Variants in NUDT17 observed in about 807,000 individuals in gnomAD.
The protein encoded by NUDT17 is nudix hydrolase 17.
NUDT17 carries 38 observed loss-of-function variants against 38.6 expected under a neutral mutation model. The ratio of observed to expected loss-of-function variants is 0.98; its 90% CI spans 0.76 to 1.29. The LOEUF (loss-of-function observed/expected upper bound fraction) is 1.29, where lower values mean the gene tolerates loss of function less well. Ranked by LOEUF, NUDT17 falls within the 50% of genes most tolerant of loss-of-function variation. NUDT17 has a pLI of 0.00. For missense variants in NUDT17, 462 were observed against 415.2 expected (o/e 1.11, Z -0.98); for synonymous variants, 192 against 167.8 (o/e 1.14, Z -1.11).
Position 145,846,155 on chromosome 1 carries a change from C to T in NUDT17, c.335C>T (p.Ala112Val). The T allele has an allele frequency of 6.3e-7, 1 of 1,596,936 alleles. No homozygotes were observed. The highest frequency in any genetic ancestry group is 8.5e-7 in the Non-Finnish European group (1 of 1,172,028). The part of the protein sequence containing the change: ...SDKTVLLTRR[A>V]RTLSVSPNLW... The stretch of plus-strand genomic sequence containing the variant: ...AAGACTGTCTTGCTAACCCGAAGGG[C>T]ACGCACCCTGAGCGTTTCCCCCAAC... Residue 112 changes from alanine (A) to valine (V), a missense_variant, in exon 2 of 8, where the codon GCA becomes GTA. Physicochemically the swap from Ala to Val is moderately conservative, Grantham distance 64. Coordinates refer to ENST00000334513, the MANE Select transcript of NUDT17 (RefSeq NM_001012758.3).
At position 145,848,716 on chromosome 1, in the gene NUDT17, C is replaced by A; in HGVS notation, c.*237C>A. On this transcript the variant is annotated 3_prime_UTR_variant, in exon 8 of 8. Transcript: ENST00000334513. ...CTACAGGGCCATGAGCCTCTAGAAGCTTAGGGGGGAATAAGAAACACTGTG... is the reference window on the plus strand; with the variant it reads ...CTACAGGGCCATGAGCCTCTAGAAGATTAGGGGGGAATAAGAAACACTGTG... 1 of 473,396 alleles carries A rather than the reference C, an allele frequency of 2.1e-6. No individual in the cohort carries two copies. Among genetic ancestry groups the A allele is most frequent in the Non-Finnish European group, 3.7e-6 (1 of 269,164 alleles). The allele number at this position is 473,396 out of a possible 1,614,324, so 29.3% of individuals were successfully genotyped here.
At position 145,846,514 on chromosome 1, in the gene NUDT17, G is replaced by T. The variant is rs190159953; in HGVS notation, c.402+56G>T. 4.1e-4 allele frequency: 657 copies of T among 1,607,156 alleles called. 3 individuals are homozygous for T. In the African/African-American group the frequency reaches 7.6e-3, roughly 19 times the overall value. On this transcript the variant is annotated intron_variant, in intron 3 of 7. Coordinates refer to ENST00000334513, the MANE Select transcript of NUDT17 (RefSeq NM_001012758.3). Reference sequence around the variant, plus strand: ...AGAGACCCATGCCTGGGACCATCTTGGGTGTGGGCTGAGGGAGAGGCAAGC... The same window carrying T: ...AGAGACCCATGCCTGGGACCATCTTTGGTGTGGGCTGAGGGAGAGGCAAGC...
At chr1:145,847,865 G>C in intron 6 of NUDT17, 146 bp downstream of exon 6, 2 of 887,554 alleles carry the variant, frequency 2.3e-6, no homozygotes, top group South Asian at 3.4e-5. Flanking sequence ...GAAGGTACAT[G>C]AAATCTAAGA....
chr1:145,846,715 T>C (rs1017215169), intron 4 of NUDT17, 25 bp downstream of exon 4: 46 of 1,499,286 alleles, frequency 3.1e-5, no homozygotes, highest in Non-Finnish European at 4.3e-5. Context: ...TGGGAGAAGC[T>C]CCTCCATAGA....
At position 145,848,225 on chromosome 1, in the gene NUDT17, C is replaced by A. The variant is rs1262631368; in HGVS notation, c.845C>A (p.Thr282Asn). The change falls in exon 7 of 8, where the codon ACC (threonine) becomes AAC (asparagine). Residue 282 changes from threonine (T) to asparagine (N), a missense_variant. Transcript: ENST00000334513. ...GACAAAGAGAGAGTCAGCACTGGAA[C>A]CAAGTTTGCCCTCAAGCTCTGGCTG... ...AEDKERVSTG[T>N]KFALKLWLQH... The A allele has an allele frequency of 2.5e-6, 4 of 1,614,170 alleles. No individual in the cohort carries two copies. The highest frequency in any genetic ancestry group is 3.4e-6 in the Non-Finnish European group (4 of 1,180,036).
intron 3 of NUDT17, 47 bp from the exon 4 acceptor site, chr1:145,846,551 G>C (rs1366534771): frequency 2.5e-6 from 4 of 1,604,220 alleles, no homozygotes; most frequent in Admixed American, 3.3e-5. Context: ...AAAGGACTTG[G>C]AAGAGTCAGG....
chr1:145,847,373 A>G (rs1652753016), intron 5 of NUDT17, 25 bp downstream of exon 5: 2 of 1,573,678 alleles, frequency 1.3e-6, no homozygotes, highest in African/African-American at 2.7e-5. Context: ...GAGGGAAGGA[A>G]ACAGGGCTCA....
In NUDT17 at chr1:145,846,683, T is replaced by C. The variant is rs1553732584; in HGVS notation, c.488T>C (p.Leu163Ser). The stretch of plus-strand genomic sequence containing the variant: ...CAGTTCTCTTGGGTCCCTCTGGGTT[T>C]ATGGGAGGTGAGACAAGTAGCTGGG... ...QGQFSWVPLG[L>S]WESAYPPRLS... Residue 163 changes from leucine to serine, a missense_variant, in exon 4 of 8, where the codon TTA becomes TCA. Leu to Ser is a moderately radical substitution (Grantham distance 145, BLOSUM62 -2). Transcript: ENST00000334513. 6.2e-7 allele frequency: 1 copy of C among 1,610,500 alleles called. No individual in the cohort carries two copies. Among genetic ancestry groups the C allele is most frequent in the Non-Finnish European group, 8.5e-7 (1 of 1,176,784 alleles).
In NUDT17 at chr1:145,847,719, TGTAA is replaced by T. The variant is rs782154996; in HGVS notation, c.731+6_731+9del. On this transcript the variant is annotated splice_donor_variant and splice_donor_region_variant and intron_variant, in intron 6 of 7. Coordinates refer to ENST00000334513, the MANE Select transcript of NUDT17 (RefSeq NM_001012758.3). LOFTEE classifies it high-confidence loss of function. ...CCCCAGGACCTACCACCCTCTGTCC[TGTAA>T]GTAAGAGCTTCTCCCTCAGCCTCTA... is the stretch of plus-strand genomic sequence containing the variant. 2.9e-5 allele frequency: 46 copies of T among 1,613,958 alleles called. No individual in the cohort carries two copies. The highest frequency in any genetic ancestry group is 9.3e-5 in the African/African-American group (7 of 74,916).
Position 145,848,564 on chromosome 1 carries a change from C to CTT in NUDT17, c.*87_*88dup. ...ATTATGGGTGAGAGCTTCACTACAA[C>CTT]TTTAGAAATAAAAAGTAAAATTACA... is the stretch of plus-strand genomic sequence containing the variant. On this transcript the variant is annotated 3_prime_UTR_variant, in exon 8 of 8. Transcript: ENST00000334513. 1 of 965,138 alleles carries CTT rather than the reference C, an allele frequency of 1.0e-6. No homozygotes were observed. Among genetic ancestry groups the CTT allele is most frequent in the South Asian group, 1.5e-5 (1 of 66,018 alleles). The allele number at this position is 965,138 out of a possible 1,614,324, so 59.8% of individuals were successfully genotyped here. A position where few individuals can be genotyped will look rare whatever the true frequency, so the allele number is the denominator to read the frequency against.
In NUDT17 at chr1:145,845,944, T is replaced by C. The variant is rs782265749; in HGVS notation, c.193-69T>C. The C allele has an allele frequency of 7.8e-6, 12 of 1,537,416 alleles. No homozygotes were observed. The South Asian group carries it at 1.4e-4, about 18-fold the overall frequency. On this transcript the variant is annotated intron_variant, in intron 1 of 7. Transcript: ENST00000334513. ...GCCCCCAACGCGCGGTGTAGCCCCA[T>C]TTTTGGAAGTCACGCCCACCCAGTG...
rs587655690 is a variant in NUDT17, at chr1:145,847,247, T to C, written c.496-3T>C. The stretch of plus-strand genomic sequence containing the variant: ...TCTCACTTTTGCTGTTTTCTTTTCC[T>C]AGTCTGCCTACCCTCCTAGGCTGAG... On this transcript the variant is annotated splice_region_variant and splice_polypyrimidine_tract_variant and intron_variant, in intron 4 of 7. Transcript: ENST00000334513. The C allele has an allele frequency of 7.0e-6, 11 of 1,560,570 alleles. No individual in the cohort carries two copies. In the African/African-American group the frequency reaches 9.5e-5, roughly 14 times the overall value.
Position 145,848,392 on chromosome 1 carries a change from T to C in NUDT17, c.900T>C (p.Cys300=). Residue 300 remains cysteine (C), a synonymous_variant, in exon 8 of 8, where the codon TGT becomes TGC. Transcript: ENST00000334513. ...TCCTCCACAGAACACCCCCACCGTG[T>C]AAAAGTGCAGCTTACCTGGACCCAG... ...LQHLGRTPPP[C]KSAAYLDPGP... is the part of the protein sequence containing the mutation. 2 of 1,504,658 alleles carry C rather than the reference T, an allele frequency of 1.3e-6. No individual in the cohort carries two copies. Among genetic ancestry groups the C allele is most frequent in the Non-Finnish European group, 1.8e-6 (2 of 1,089,300 alleles). The allele number at this position is 1,504,658 out of a possible 1,614,324, so 93.2% of individuals were successfully genotyped here.
chr1:145,846,475 T>A lies in NUDT17; in HGVS notation c.402+17T>A. ...GAGGAGGAGGTAACCAGTCAGCTGA[T>A]CCAACCTGAGCCAAGAGACCCATGC... On this transcript the variant is annotated intron_variant, in intron 3 of 7. Coordinates refer to ENST00000334513, the MANE Select transcript of NUDT17 (RefSeq NM_001012758.3). 1 of 1,612,468 alleles carries A rather than the reference T, an allele frequency of 6.2e-7. No individual in the cohort carries two copies. Among genetic ancestry groups the A allele is most frequent in the Non-Finnish European group, 8.5e-7 (1 of 1,178,692 alleles).
intron 4 of NUDT17, 130 bp from the exon 5 acceptor site, chr1:145,847,120 G>A (rs1652733494): frequency 1.7e-6 from 1 of 599,638 alleles, no homozygotes; most frequent in Non-Finnish European, 3.0e-6. Flanking sequence ...CTTGAACCCA[G>A]GAGGCAGAGG....
Position 145,847,696 on chromosome 1 carries a change from C to G in NUDT17, c.708C>G (p.Pro236=). The change falls in exon 6 of 8, where the codon CCC becomes CCG. Residue 236 remains proline, a synonymous_variant. Coordinates refer to ENST00000334513, the MANE Select transcript of NUDT17 (RefSeq NM_001012758.3). ...EDGTETPGLL[P]QDLPPSVLAV... is the part of the protein sequence containing the mutation. ...GGACAGAGACACCCGGACTTCTCCCCCAGGACCTACCACCCTCTGTCCTGT... is the reference window on the plus strand; with the variant it reads ...GGACAGAGACACCCGGACTTCTCCCGCAGGACCTACCACCCTCTGTCCTGT... 6.2e-7 allele frequency: 1 copy of G among 1,614,156 alleles called. No individual in the cohort carries two copies. Among genetic ancestry groups the G allele is most frequent in the Non-Finnish European group, 8.5e-7 (1 of 1,180,024 alleles).
chr1:145,847,361 G>A lies in NUDT17; in HGVS notation c.594+13G>A, dbSNP rs1001718595. The stretch of plus-strand genomic sequence containing the variant: ...GCAGCAGTTGCAGGTAGGGCTGGCA[G>A]TGAGGGAAGGAAACAGGGCTCAGGG... On this transcript the variant is annotated intron_variant, in intron 5 of 7. Transcript: ENST00000334513. 7 of 1,589,044 alleles carry A rather than the reference G, an allele frequency of 4.4e-6. No homozygotes were observed. The highest frequency in any genetic ancestry group is 6.0e-6 in the Non-Finnish European group (7 of 1,161,908).
In NUDT17 at chr1:145,847,254, C is replaced by A. The variant is rs781782982; in HGVS notation, c.500C>A (p.Ala167Asp). The A allele has an allele frequency of 6.3e-7, 1 of 1,587,802 alleles. No individual in the cohort carries two copies. Among genetic ancestry groups the A allele is most frequent in the South Asian group, 1.1e-5 (1 of 88,276 alleles). The change falls in exon 5 of 8, where the codon GCC (alanine) becomes GAC (aspartate). Residue 167 changes from alanine to aspartate, a missense_variant. Physicochemically the swap from Ala to Asp is moderately radical, Grantham distance 126. Transcript: ENST00000334513. ...SWVPLGLWES[A>D]YPPRLSWGLP... is the part of the protein sequence containing the mutation. The stretch of plus-strand genomic sequence containing the variant: ...TTTGCTGTTTTCTTTTCCTAGTCTG[C>A]CTACCCTCCTAGGCTGAGCTGGGGT...
chr1:145,845,979 T>G, intron 1 of NUDT17, 34 bp from the exon 2 acceptor site: 1 of 1,574,112 alleles, frequency 6.4e-7, no homozygotes, highest in Non-Finnish European at 8.6e-7. Context: ...GCCGCCCTTC[T>G]GAAGCCTTAA....
Sources: allele counts gnomAD v4.1 joint callset, GRCh38; gene constraint gnomAD v4.1.1; transcripts MANE v1.5; gene names NCBI Gene and HGNC (gene_info 2026-07-23, HGNC 2026-07-21).